Variants in FOXN3 observed in about 807,000 individuals in gnomAD.
FOXN3 encodes the protein forkhead box protein N3.
A neutral mutation model predicts 38.4 loss-of-function variants in FOXN3; 7 were observed. That is an observed-to-expected ratio of 0.18 (90% CI 0.10 to 0.34). The LOEUF is 0.34. Among genes scored for constraint, FOXN3 ranks in the 10% least tolerant of loss-of-function variants. The pLI is 1.00. For synonymous variants in FOXN3, 230 were observed against 242.2 expected (o/e 0.95, Z 0.47); for missense variants, 456 against 613.4 (o/e 0.74, Z 2.71).
intron 1 of FOXN3, among the ~76,000 whole-genome samples, chr14:89,607,954 C>A (rs1256629860): frequency 6.6e-6 from 1 of 150,576 alleles, no homozygotes; most frequent in Non-Finnish European, 1.5e-5. Flanking sequence ...GTAGCTGGGA[C>A]TACAGGCATG....
chr14:89,467,792 T>TTTTC (rs1274804566), intron 1 of FOXN3, among the ~76,000 whole-genome samples: 69 of 140,026 alleles, frequency 4.9e-4, no homozygotes, highest in African/African-American at 1.8e-3. Context: ...CTTCCTTTTC[T>TTTTC]TTTCTTTCTT....
chr14:89,208,967 C>T (rs2139828785), intron 4 of FOXN3, among the ~76,000 whole-genome samples: 1 of 152,254 alleles, frequency 6.6e-6, no homozygotes. Flanking sequence ...TTTTTAACAA[C>T]ATTAGACAAG....
intron 1 of FOXN3, among the ~76,000 whole-genome samples, chr14:89,438,811 T>A (rs1191232983): frequency 6.6e-6 from 1 of 152,024 alleles, no homozygotes; most frequent in Non-Finnish European, 1.5e-5. Flanking sequence ...TTGCCCAGGC[T>A]AGAGTGCAAT....
At chr14:89,389,298 A>C (rs1890872223) in intron 2 of FOXN3, among the ~76,000 whole-genome samples, 1 of 146,912 alleles carries the variant, frequency 6.8e-6, no homozygotes, top group African/African-American at 2.6e-5. Flanking sequence ...TTTTTAGAGT[A>C]CTTAAAACAA....
At chr14:89,400,580 C>T (rs1299101558) in intron 2 of FOXN3, among the ~76,000 whole-genome samples, 1 of 152,228 alleles carries the variant, frequency 6.6e-6, no homozygotes, top group Non-Finnish European at 1.5e-5. Flanking sequence ...TCACTCCCAC[C>T]ATCTCTCTCT....
intron 1 of FOXN3, among the ~76,000 whole-genome samples, chr14:89,435,485 A>G (rs546879123): frequency 6.6e-6 from 1 of 152,068 alleles, no homozygotes; most frequent in South Asian, 2.1e-4. Context: ...ACTCACTGCC[A>G]TCTTCCACAC....
At chr14:89,171,821 T>C (rs1887396201) in intron 5 of FOXN3, among the ~76,000 whole-genome samples, 1 of 152,088 alleles carries the variant, frequency 6.6e-6, no homozygotes. Flanking sequence ...ATTTAAAATA[T>C]GAAATAACAC....
At chr14:89,299,684 G>T (rs1315679223) in intron 3 of FOXN3, among the ~76,000 whole-genome samples, 1 of 152,188 alleles carries the variant, frequency 6.6e-6, no homozygotes, top group Non-Finnish European at 1.5e-5. Context: ...CCCAGAGAGG[G>T]ACCAGGTGGC....
At chr14:89,517,937 C>A (rs1566683772) in intron 1 of FOXN3, among the ~76,000 whole-genome samples, 1 of 152,132 alleles carries the variant, frequency 6.6e-6, no homozygotes, top group Non-Finnish European at 1.5e-5. Flanking sequence ...TCTGCTGGTA[C>A]CAAACTCAAA....
chr14:89,477,526 T>C (rs901066748), intron 1 of FOXN3, among the ~76,000 whole-genome samples: 4 of 152,246 alleles, frequency 2.6e-5, no homozygotes, highest in African/African-American at 9.6e-5. Flanking sequence ...ACTTTCGGCC[T>C]TGGGGCCTCA....
At chr14:89,440,119 C>G (rs1345630918) in intron 1 of FOXN3, among the ~76,000 whole-genome samples, 1 of 152,094 alleles carries the variant, frequency 6.6e-6, no homozygotes, top group Admixed American at 6.6e-5. Context: ...GGGCCTCAAG[C>G]AGGTTAAAAT....
chr14:89,258,237 T>C (rs970618046), intron 4 of FOXN3, among the ~76,000 whole-genome samples: 2 of 152,310 alleles, frequency 1.3e-5, no homozygotes, highest in East Asian at 3.9e-4. Flanking sequence ...CCTCCCTTAG[T>C]TCACCAACAA....
chr14:89,540,003 G>A (rs990987945), intron 1 of FOXN3, among the ~76,000 whole-genome samples: 2 of 152,110 alleles, frequency 1.3e-5, no homozygotes, highest in Middle Eastern at 3.2e-3. Context: ...CAGTGCCCTC[G>A]GCTGTTTCTA....
At chr14:89,374,883 A>T (rs1014963313) in intron 2 of FOXN3, among the ~76,000 whole-genome samples, 4 of 151,768 alleles carry the variant, frequency 2.6e-5, no homozygotes, top group Non-Finnish European at 5.9e-5. Context: ...AGGCTGAGGC[A>T]GGGGAATCGC....
intron 2 of FOXN3, among the ~76,000 whole-genome samples, chr14:89,356,052 A>G (rs1889209263): frequency 6.6e-6 from 1 of 152,074 alleles, no homozygotes; most frequent in South Asian, 2.1e-4. Flanking sequence ...AAAGAAAAAA[A>G]AAGAAAAAAG....
intron 1 of FOXN3, among the ~76,000 whole-genome samples, chr14:89,425,226 A>G (rs1892001475): frequency 1.3e-5 from 2 of 151,496 alleles, no homozygotes; most frequent in African/African-American, 4.8e-5. Flanking sequence ...ACATGCCATC[A>G]TACCCAGCTA....
chr14:89,508,342 A>G (rs1037707610), intron 1 of FOXN3, among the ~76,000 whole-genome samples: 8 of 152,192 alleles, frequency 5.3e-5, no homozygotes, highest in African/African-American at 1.9e-4. Context: ...CCCTGTCACA[A>G]TATAGACTTT....
intron 2 of FOXN3, among the ~76,000 whole-genome samples, chr14:89,403,066 A>G (rs1002113673): frequency 1.3e-5 from 2 of 152,206 alleles, no homozygotes; most frequent in Non-Finnish European, 2.9e-5. Flanking sequence ...AATGATACCA[A>G]TCTCACACTG....
intron 1 of FOXN3, among the ~76,000 whole-genome samples, chr14:89,446,578 T>C (rs1190264575): frequency 6.6e-6 from 1 of 152,228 alleles, no homozygotes; most frequent in Non-Finnish European, 1.5e-5. Flanking sequence ...TTAACAACAA[T>C]GGAATCACAC....
Sources: allele counts gnomAD v4.1 joint callset (sites outside exome capture counted in the v4.1 genomes callset), GRCh38; gene constraint gnomAD v4.1.1; transcripts MANE v1.5; gene names NCBI Gene and HGNC (gene_info 2026-07-23, HGNC 2026-07-21).